The following CTXN2 variants were observed in gnomAD, a reference collection of about 807,000 sequenced individuals.
CTXN2 encodes the protein cortexin-2.
Under a neutral mutation model 5.7 loss-of-function variants are expected in CTXN2, and 3 were observed. The observed-to-expected ratio is 0.53, with a 90% CI of 0.24 to 1.36. The LOEUF is 1.36. Among genes scored for constraint, CTXN2 ranks in the 40% most tolerant of loss-of-function variants. CTXN2 has a pLI of 0.17. For synonymous variants in CTXN2, 38 were observed against 36.4 expected (o/e 1.04, Z -0.16); for missense variants, 87 against 93.0 (o/e 0.94, Z 0.26).
intron 1 of CTXN2, among the ~76,000 whole-genome samples, chr15:48,186,614 G>A (rs1883575860): frequency 6.6e-6 from 1 of 152,038 alleles, no homozygotes; most frequent in South Asian, 2.1e-4. Context: ...AAATATGTAG[G>A]AGTTGGCCAG....
Position 48,178,926 on chromosome 15 carries a change from T to C in CTXN2, c.-455+526T>C, listed in dbSNP as rs541124177. On this transcript the variant is annotated intron_variant, in intron 1 of 2. Transcript: ENST00000644354. Reference sequence around the variant, plus strand: ...GTAAGAGAAGACTGCAGTTTTTCTCTGGACATCAATCAATATGGGGAATCC... The same window carrying C: ...GTAAGAGAAGACTGCAGTTTTTCTCCGGACATCAATCAATATGGGGAATCC... Among the ~76,000 whole-genome samples the C allele has an allele frequency of 1.2e-4, 18 of 151,978 alleles. 1 individual carries two copies. The South Asian group carries it at 3.8e-3, about 32-fold the overall frequency.
Position 48,193,539 on chromosome 15 carries a change from CT to C in CTXN2, c.-58+1695del, listed in dbSNP as rs950555840. Among the ~76,000 whole-genome samples, 533 of 150,714 alleles carry C rather than the reference CT, an allele frequency of 3.5e-3. 2 individuals carry two copies. The highest frequency in any genetic ancestry group is 0.012 in the African/African-American group (502 of 41,138). ...ACTTAATCTAAATTTTCTCAGATTT[CT>C]TTTTTTTTCTATTTCCCAATAAACA... On this transcript the variant is annotated intron_variant, in intron 1 of 1. Coordinates refer to ENST00000417307, the MANE Select transcript of CTXN2 (RefSeq NM_001145668.2).
rs1317716169 is a variant in CTXN2 at position 48,203,680 on chromosome 15, C to A, written c.*2134C>A. On this transcript the variant is annotated 3_prime_UTR_variant, in exon 2 of 2. Transcript: ENST00000417307. ...GAGCATTGTTTCTGGAAGTTCAACT[C>A]CCATAAGCTTTTCAAGTATATTAAC... The A allele has an allele frequency of 1.2e-5, 2 of 166,928 alleles. No homozygotes were observed. The highest frequency in any genetic ancestry group is 2.4e-5 in the African/African-American group (1 of 41,400). 10.3% of individuals were successfully genotyped at this position (166,928 alleles called of 1,614,324 possible).
chr15:48,184,075 C>T (rs890956197), intron 1 of CTXN2, among the ~76,000 whole-genome samples: 6 of 152,270 alleles, frequency 3.9e-5, no homozygotes, highest in South Asian at 2.1e-4. Flanking sequence ...ATTAGGCTTA[C>T]ATTTTCTCCT....
chr15:48,200,431 G>C (rs1447150141), intron 1 of CTXN2, among the ~76,000 whole-genome samples: 1 of 152,124 alleles, frequency 6.6e-6, no homozygotes, highest in East Asian at 1.9e-4. Context: ...CAGCACAATA[G>C]GGACTTAGGA....
rs187207489 is a variant in CTXN2 at position 48,198,019 on chromosome 15, T to G, written c.-57-3225T>G. Among the ~76,000 whole-genome samples the G allele has an allele frequency of 3.9e-5, 6 of 152,218 alleles. No individual in the cohort carries two copies. In the East Asian group the frequency reaches 1.2e-3, roughly 29 times the overall value. On this transcript the variant is annotated intron_variant, in intron 1 of 1. Coordinates refer to ENST00000417307, the MANE Select transcript of CTXN2 (RefSeq NM_001145668.2). ...ATGTCACTACAGTTGAATACAAAAT[T>G]TAACCCTGTACTTCCTGGCACAAAC...
chr15:48,188,374 C>A (rs1597381654), upstream of CTXN2, among the ~76,000 whole-genome samples: 1 of 151,982 alleles, frequency 6.6e-6, no homozygotes, highest in Non-Finnish European at 1.5e-5. Context: ...ACAGAACATA[C>A]CACTTTACCC....
intron 1 of CTXN2, among the ~76,000 whole-genome samples, chr15:48,196,866 A>G (rs1196176209): frequency 2.0e-5 from 3 of 151,938 alleles, no homozygotes; most frequent in Non-Finnish European, 2.9e-5. Flanking sequence ...CCATGTCCTT[A>G]CCTCTGGCAG....
At chr15:48,184,245 A>G (rs1006083224) in intron 1 of CTXN2, among the ~76,000 whole-genome samples, 2 of 152,204 alleles carry the variant, frequency 1.3e-5, no homozygotes, top group East Asian at 1.9e-4. Flanking sequence ...CTCACCAGAT[A>G]AACGTTCATT....
intron 1 of CTXN2, among the ~76,000 whole-genome samples, chr15:48,182,843 G>A (rs967749449): frequency 4.6e-5 from 7 of 152,144 alleles, no homozygotes; most frequent in African/African-American, 1.7e-4. Flanking sequence ...GCTAGAGTTT[G>A]AAATATTAGG....
upstream of CTXN2, chr15:48,191,509 T>C (rs1026986774): frequency 6.7e-6 from 2 of 300,022 alleles, no homozygotes; most frequent in African/African-American, 4.4e-5. Context: ...CCCCTCCTCA[T>C]CTCCCACCTC....
chr15:48,191,881 T>G (rs1476836058), intron 1 of CTXN2, 28 bp downstream of exon 1: 1 of 453,944 alleles, frequency 2.2e-6, no homozygotes, highest in Non-Finnish European at 4.4e-6. Flanking sequence ...GCGAAGTAAC[T>G]TTCTCCCCCT....
At chr15:48,182,020 C>T (rs549948933) in intron 1 of CTXN2, among the ~76,000 whole-genome samples, 6 of 152,184 alleles carry the variant, frequency 3.9e-5, no homozygotes, top group Non-Finnish European at 8.8e-5. Flanking sequence ...AAAATGTGGA[C>T]ATTGGTTACT....
upstream of CTXN2, chr15:48,190,264 C>T (rs763975683): frequency 6.6e-6 from 1 of 152,156 alleles, no homozygotes; most frequent in African/African-American, 2.4e-5. Context: ...TGTTATACTT[C>T]AAGAAGCACT....
intron 1 of CTXN2, among the ~76,000 whole-genome samples, chr15:48,185,420 C>T (rs1054799425): frequency 6.6e-6 from 1 of 152,100 alleles, no homozygotes; most frequent in African/African-American, 2.4e-5. Context: ...TACTCTCTGA[C>T]TTTTCTGTAA....
intron 1 of CTXN2, among the ~76,000 whole-genome samples, chr15:48,181,348 G>A (rs973219297): frequency 6.6e-6 from 1 of 152,124 alleles, no homozygotes; most frequent in African/African-American, 2.4e-5. Flanking sequence ...GCTGGAGATC[G>A]AGGCACCTTG....
At chr15:48,198,176 A>G (rs2040896776) in intron 1 of CTXN2, among the ~76,000 whole-genome samples, 1 of 152,134 alleles carries the variant, frequency 6.6e-6, no homozygotes, top group African/African-American at 2.4e-5. Flanking sequence ...ATGCTAAGTA[A>G]ATTTGATAGA....
At chr15:48,191,572 A>G (rs2040822714), upstream of CTXN2, 5 of 381,784 alleles carry the variant, frequency 1.3e-5, no homozygotes, top group South Asian at 9.6e-5. Context: ...CGCGAGCGCA[A>G]ATATTTACAC....
upstream of CTXN2, among the ~76,000 whole-genome samples, chr15:48,190,353 T>A (rs1394004896): frequency 1.3e-5 from 2 of 152,198 alleles, no homozygotes; most frequent in Non-Finnish European, 2.9e-5. Context: ...GCCATGGAAA[T>A]GTCCCTAGAA....
Sources: gnomAD v4.1 joint callset for allele counts (sites outside exome capture counted in the v4.1 genomes callset) on GRCh38, gnomAD v4.1.1 for gene constraint, MANE v1.5 for transcripts, NCBI Gene and HGNC (gene_info 2026-07-23, HGNC 2026-07-21) for gene names.